The following USP7 variants were observed in gnomAD, a reference collection of about 807,000 sequenced individuals.
USP7 encodes the protein ubiquitin C-terminal hydrolase 7.
Under a neutral mutation model 162.9 loss-of-function variants are expected in USP7, and 9 were observed. The ratio of observed to expected loss-of-function variants is 0.06; its 90% CI spans 0.03 to 0.10. The LOEUF is 0.10. Ranked by LOEUF, USP7 falls within the 10% of genes least tolerant of loss-of-function variation. The probability of loss-of-function intolerance (pLI) is 1.00; values close to 1 mark genes in which losing one functional copy is unlikely to be tolerated. For missense variants in USP7, 715 were observed against 1,373.7 expected, an observed-to-expected ratio of 0.52 and a Z score of 7.58; for synonymous variants, 562 against 475.9, an observed-to-expected ratio of 1.18 and a Z score of -2.35.
At chr16:8,903,620 A>G (rs1448551223) in intron 15 of USP7, among the ~76,000 whole-genome samples, 1 of 152,184 alleles carries the variant, frequency 6.6e-6, no homozygotes, top group African/African-American at 2.4e-5. Flanking sequence ...TGGCTCATGC[A>G]CTTTGGGAGG....
chr16:8,950,227 A>G (rs1239381856), intron 1 of USP7, among the ~76,000 whole-genome samples: 1 of 152,238 alleles, frequency 6.6e-6, no homozygotes, highest in Admixed American at 6.5e-5. Flanking sequence ...TGGACAGCGA[A>G]GGTCTAGAAA....
intron 12 of USP7, among the ~76,000 whole-genome samples, chr16:8,907,974 A>G (rs1245288313): frequency 6.6e-6 from 1 of 152,254 alleles, no homozygotes; most frequent in Non-Finnish European, 1.5e-5. Flanking sequence ...CGAATACACT[A>G]AAAGTCCCCT....
chr16:8,920,568 C>G, intron 4 of USP7, 121 bp from the exon 5 acceptor site: 1 of 805,574 alleles, frequency 1.2e-6, no homozygotes, highest in Non-Finnish European at 1.9e-6. Flanking sequence ...TTAAATACAT[C>G]CCAACTTTTT....
chr16:8,955,782 T>C (rs1041227441), intron 1 of USP7, among the ~76,000 whole-genome samples: 1 of 151,964 alleles, frequency 6.6e-6, no homozygotes, highest in Non-Finnish European at 1.5e-5. Context: ...CAAAGTCTTA[T>C]TGATGAAATG....
intron 13 of USP7, 140 bp from the exon 14 acceptor site, chr16:8,905,471 G>A: frequency 1.9e-6 from 2 of 1,044,234 alleles, no homozygotes; most frequent in Non-Finnish European, 2.8e-6. Flanking sequence ...TTCTTATACA[G>A]GCACACAATC....
At position 8,923,430 on chromosome 16, in the gene USP7, T is replaced by G. The variant is rs781227260; in HGVS notation, c.185-17A>C. The G allele has an allele frequency of 2.5e-5, 40 of 1,613,306 alleles. No individual in the cohort carries two copies. Among genetic ancestry groups the G allele is most frequent in the Non-Finnish European group, 3.4e-5 (40 of 1,179,644 alleles). On this transcript the variant is annotated splice_polypyrimidine_tract_variant and intron_variant, in intron 2 of 30. Transcript: ENST00000344836. ...AACTGGTGTCTGCAAAAAAAACACA[T>G]CATCAGTCACAGAGCCTGTGCATTG...
chr16:8,910,670 T>C, intron 11 of USP7, 75 bp downstream of exon 11: 1 of 1,394,162 alleles, frequency 7.2e-7, no homozygotes, highest in Admixed American at 1.9e-5. Context: ...AAGCAAATTT[T>C]TATTTAGCAA....
intron 1 of USP7, among the ~76,000 whole-genome samples, chr16:8,937,479 T>C (rs1002236169): frequency 1.3e-5 from 2 of 151,964 alleles, no homozygotes; most frequent in Admixed American, 1.3e-4. Flanking sequence ...GAGGCGGAGG[T>C]TGCAGTGAAC....
chr16:8,895,082 G>A lies in USP7; in HGVS notation c.2988C>T (p.His996=), dbSNP rs754178330. 6.2e-7 allele frequency: 1 copy of A among 1,614,238 alleles called. No homozygotes were observed. Among genetic ancestry groups the A allele is most frequent in the East Asian group, 2.2e-5 (1 of 44,888 alleles). The stretch of plus-strand genomic sequence containing the variant: ...TTCCGAACGTTCCGAAGACCTCTTT[G>A]TGGAAATGCGCCACTGTGACAAGCA... ...NEMLVTVAHF[H]KEVFGTFGIP... is the part of the protein sequence containing the mutation. The change falls in exon 28 of 31, where the codon CAC becomes CAT. Residue 996 remains histidine, a synonymous_variant. Coordinates refer to ENST00000344836, the MANE Select transcript of USP7 (RefSeq NM_003470.3).
At chr16:8,903,997 C>T (rs905691704) in intron 15 of USP7, among the ~76,000 whole-genome samples, 1 of 152,198 alleles carries the variant, frequency 6.6e-6, no homozygotes, top group Non-Finnish European at 1.5e-5. Context: ...CTCCAACCCC[C>T]TCAGTACTTT....
chr16:8,936,553 TA>T, intron 1 of USP7: 1 of 1,517,064 alleles, frequency 6.6e-7, no homozygotes, highest in Admixed American at 2.1e-5. Flanking sequence ...ATCACCAGCA[TA>T]AGGAGCTCAA....
intron 14 of USP7, 118 bp downstream of exon 14, chr16:8,905,069 G>T: frequency 7.6e-7 from 1 of 1,308,968 alleles, no homozygotes; most frequent in Non-Finnish European, 1.1e-6. Context: ...CTGCGCTGCT[G>T]TGAATACAAT....
rs1567215548 is a variant in USP7 at position 8,908,361 on chromosome 16, T to C, written c.1251A>G (p.Gln417=). 6.2e-7 allele frequency: 1 copy of C among 1,613,826 alleles called. No homozygotes were observed. Among genetic ancestry groups the C allele is most frequent in the African/African-American group, 1.3e-5 (1 of 74,934 alleles). The change falls in exon 12 of 31, where the codon CAA becomes CAG. Residue 417 remains glutamine, a synonymous_variant. Transcript: ENST00000344836. ...MRFMYDPQTD[Q]NIKINDRFEF... ...ATTACCTATCATTGATCTTGATATT[T>C]TGGTCCGTCTGAGGGTCATACATAA... is the stretch of plus-strand genomic sequence containing the variant.
At chr16:8,962,259 G>A (rs1276521326) in intron 1 of USP7, among the ~76,000 whole-genome samples, 1 of 152,172 alleles carries the variant, frequency 6.6e-6, no homozygotes. Flanking sequence ...GCCTGAACTC[G>A]TCACGTAGGT....
At chr16:8,902,520 C>G (rs2447918) in intron 16 of USP7, 38 bp from the exon 17 acceptor site, 2 of 1,568,904 alleles carry the variant, frequency 1.3e-6, no homozygotes. Context: ...AATAAAAACA[C>G]GCTCATATTT....
intron 7 of USP7, 49 bp downstream of exon 7, chr16:8,916,977 A>AAG (rs905247370): frequency 6.7e-6 from 10 of 1,502,348 alleles, no homozygotes; most frequent in Admixed American, 2.4e-5. Flanking sequence ...CCTAAAAAAA[A>AAG]AAAAAAAAAG....
At chr16:8,920,499 T>C in intron 4 of USP7, 52 bp from the exon 5 acceptor site, 1 of 1,466,220 alleles carries the variant, frequency 6.8e-7, no homozygotes. Context: ...CACATTTTAT[T>C]CCCAAGAGAC....
chr16:8,904,658 AT>A (rs1359551714), intron 14 of USP7, 93 bp from the exon 15 acceptor site: 1 of 1,532,496 alleles, frequency 6.5e-7, no homozygotes, highest in Admixed American at 1.9e-5. Flanking sequence ...AAAATAATCT[AT>A]TAGGCCGGCG....
chr16:8,905,757 G>A (rs1231126069), intron 13 of USP7, among the ~76,000 whole-genome samples: 1 of 152,154 alleles, frequency 6.6e-6, no homozygotes, highest in Non-Finnish European at 1.5e-5. Context: ...CCTATCCCAT[G>A]GCATTTTATG....
Sources: gnomAD v4.1 joint callset for allele counts (sites outside exome capture counted in the v4.1 genomes callset) on GRCh38, gnomAD v4.1.1 for gene constraint, MANE v1.5 for transcripts, NCBI Gene and HGNC (gene_info 2026-07-23, HGNC 2026-07-21) for gene names.